Variants in MEGF11 observed in about 807,000 individuals in gnomAD.
MEGF11 encodes the protein multiple epidermal growth factor-like domains protein 11.
A neutral mutation model predicts 146.6 loss-of-function variants in MEGF11; 126 were observed. The observed-to-expected ratio is 0.86, with a 90% CI of 0.74 to 1.00. The LOEUF (loss-of-function observed/expected upper bound fraction) is 1.00, where lower values mean the gene tolerates loss of function less well. Ranked by LOEUF, MEGF11 falls within the 50% of genes least tolerant of loss-of-function variation. The pLI, the probability that MEGF11 is intolerant of heterozygous loss-of-function variation, is 0.00. For synonymous variants in MEGF11, 532 were observed against 583.4 expected (o/e 0.91, Z 1.27); for missense variants, 1,509 against 1,521.2 (o/e 0.99, Z 0.13).
intron 10 of MEGF11, among the ~76,000 whole-genome samples, chr15:65,935,714 T>C (rs1189266082): frequency 6.6e-6 from 1 of 152,216 alleles, no homozygotes; most frequent in Non-Finnish European, 1.5e-5. Context: ...AGTGTAACCT[T>C]GGCACAGCTA....
intron 1 of MEGF11, among the ~76,000 whole-genome samples, chr15:66,166,471 G>T (rs1429178905): frequency 6.6e-6 from 1 of 152,094 alleles, no homozygotes; most frequent in Non-Finnish European, 1.5e-5. Context: ...GAGCTTTAAA[G>T]ATATAAATCA....
chr15:65,979,323 TG>T (rs1366007672), intron 7 of MEGF11, among the ~76,000 whole-genome samples: 1 of 152,184 alleles, frequency 6.6e-6, no homozygotes, highest in Non-Finnish European at 1.5e-5. Flanking sequence ...TTGGATACTG[TG>T]GGACCAAGTG....
At chr15:65,960,510 G>A (rs546666717) in intron 9 of MEGF11, among the ~76,000 whole-genome samples, 19 of 152,346 alleles carry the variant, frequency 1.2e-4, no homozygotes, top group African/African-American at 4.6e-4. Flanking sequence ...TCTTTAGGTT[G>A]CATCTTTCCA....
intron 2 of MEGF11, among the ~76,000 whole-genome samples, chr15:66,127,769 G>T (rs906471345): frequency 6.6e-6 from 1 of 152,150 alleles, no homozygotes; most frequent in Admixed American, 6.5e-5. Context: ...AATGCAGCCC[G>T]CTCTTCCGCT....
At chr15:66,009,623 C>G (rs571523052) in intron 5 of MEGF11, among the ~76,000 whole-genome samples, 8 of 149,506 alleles carry the variant, frequency 5.4e-5, no homozygotes, top group African/African-American at 1.7e-4. Context: ...GACAGAGTCT[C>G]GCTCTGTTGC....
chr15:66,122,430 C>T (rs968539129), intron 3 of MEGF11, among the ~76,000 whole-genome samples: 7 of 152,212 alleles, frequency 4.6e-5, no homozygotes, highest in Non-Finnish European at 7.3e-5. Flanking sequence ...ACCAGGACTT[C>T]GGCTTCTCAG....
chr15:66,094,835 C>A (rs1049939730), intron 4 of MEGF11, among the ~76,000 whole-genome samples: 9 of 152,324 alleles, frequency 5.9e-5, no homozygotes, highest in Admixed American at 1.3e-4. Context: ...CCCCTGCTCT[C>A]TTTCCCCATC....
intron 23 of MEGF11, among the ~76,000 whole-genome samples, chr15:65,907,289 ATTTTTCTT>A (rs1364078694): frequency 3.3e-5 from 5 of 150,038 alleles, no homozygotes; most frequent in South Asian, 2.1e-4. Flanking sequence ...TAAGTTTGCT[ATTTTTCTT>A]TTTTTCTTTT....
intron 13 of MEGF11, among the ~76,000 whole-genome samples, chr15:65,923,570 A>G (rs1021147500): frequency 2.6e-5 from 4 of 152,228 alleles, no homozygotes; most frequent in East Asian, 1.9e-4. Context: ...CATACATACA[A>G]TAGAAACCAG....
At chr15:66,069,288 CT>C (rs1404343721) in intron 5 of MEGF11, among the ~76,000 whole-genome samples, 2 of 152,184 alleles carry the variant, frequency 1.3e-5, no homozygotes, top group African/African-American at 4.8e-5. Context: ...ATATGTGATG[CT>C]TTTCTCTTTC....
At chr15:66,115,138 C>T (rs1156559089) in intron 4 of MEGF11, among the ~76,000 whole-genome samples, 3 of 152,232 alleles carry the variant, frequency 2.0e-5, no homozygotes, top group African/African-American at 7.2e-5. Context: ...GACATCCTCC[C>T]GCCCTGCCCA....
intron 5 of MEGF11, among the ~76,000 whole-genome samples, chr15:66,085,899 A>C (rs1245523387): frequency 6.6e-6 from 1 of 152,126 alleles, no homozygotes; most frequent in Non-Finnish European, 1.5e-5. Context: ...GGTGAAGCCC[A>C]ATGCAAGGAA....
chr15:66,095,977 A>G (rs1440618203), intron 4 of MEGF11, among the ~76,000 whole-genome samples: 1 of 152,186 alleles, frequency 6.6e-6, no homozygotes, highest in Non-Finnish European at 1.5e-5. Flanking sequence ...AGCTAGCAAG[A>G]CTGTCAGTCC....
intron 1 of MEGF11, among the ~76,000 whole-genome samples, chr15:66,170,862 A>T (rs532318947): frequency 6.6e-6 from 1 of 152,164 alleles, no homozygotes; most frequent in South Asian, 2.1e-4. Context: ...GCTCACAGGC[A>T]GTAACTGCCT....
intron 5 of MEGF11, among the ~76,000 whole-genome samples, chr15:66,035,193 G>A (rs1181959356): frequency 3.9e-5 from 6 of 152,312 alleles, no homozygotes; most frequent in South Asian, 2.1e-4. Context: ...CGGACACAGA[G>A]TAAGAACTTC....
intron 1 of MEGF11, among the ~76,000 whole-genome samples, chr15:66,137,607 C>T (rs183466677): frequency 3.6e-4 from 53 of 147,432 alleles, no homozygotes; most frequent in Non-Finnish European, 6.1e-4. Flanking sequence ...GGCTGGAGTG[C>T]GGTGGCACGG....
intron 5 of MEGF11, among the ~76,000 whole-genome samples, chr15:66,080,552 G>A (rs552399480): frequency 6.6e-6 from 1 of 152,240 alleles, no homozygotes; most frequent in African/African-American, 2.4e-5. Flanking sequence ...CCTCATCTCT[G>A]AACCCCCCAT....
intron 1 of MEGF11, among the ~76,000 whole-genome samples, chr15:66,136,383 C>T (rs1049850338): frequency 2.0e-5 from 3 of 152,260 alleles, no homozygotes; most frequent in East Asian, 1.9e-4. Flanking sequence ...GGGTCTCTCC[C>T]GCCACACCTC....
At chr15:66,219,602 A>G (rs1037776297) in intron 1 of MEGF11, among the ~76,000 whole-genome samples, 5 of 152,156 alleles carry the variant, frequency 3.3e-5, no homozygotes, top group African/African-American at 1.2e-4. Flanking sequence ...TCACTCATAC[A>G]TTGCTGATGG....
Sources: gnomAD v4.1 joint callset for allele counts (sites outside exome capture counted in the v4.1 genomes callset) on GRCh38, gnomAD v4.1.1 for gene constraint, MANE v1.5 for transcripts, NCBI Gene and HGNC (gene_info 2026-07-23, HGNC 2026-07-21) for gene names.